The following DHRSX variants were observed in gnomAD, a reference collection of about 807,000 sequenced individuals.
DHRSX encodes the protein dehydrogenase/reductase X-linked.
DHRSX carries 31 observed loss-of-function variants against 34.0 expected under a neutral mutation model. The ratio of observed to expected loss-of-function variants is 0.91; its 90% CI spans 0.69 to 1.23. DHRSX has a LOEUF of 1.23. Ranked by LOEUF, DHRSX falls within the 50% of genes most tolerant of loss-of-function variation. DHRSX has a pLI of 0.00. For missense variants in DHRSX, 414 were observed against 428.1 expected (o/e 0.97, Z 0.29); for synonymous variants, 201 against 183.8 (o/e 1.09, Z -0.76).
At chrX:2,414,891 A>G (rs1247547481) in intron 2 of DHRSX, among the ~76,000 whole-genome samples, 2 of 151,416 alleles carry the variant, frequency 1.3e-5, no homozygotes, top group African/African-American at 4.9e-5. Flanking sequence ...TCTCATAATG[A>G]CCAATCCCAC....
intron 1 of DHRSX, chrX:2,490,503 C>T (rs1437534515): frequency 1.9e-6 from 3 of 1,613,910 alleles, no homozygotes; most frequent in East Asian, 2.2e-5. Context: ...CAGAATTCCT[C>T]GGGGTGGTTC....
intron 3 of DHRSX, among the ~76,000 whole-genome samples, chrX:2,336,634 T>C (rs2042568829): frequency 6.6e-6 from 1 of 150,882 alleles, no homozygotes; most frequent in African/African-American, 2.5e-5. Flanking sequence ...AGTTTTGCTG[T>C]TGTTGCCCAG....
intron 1 of DHRSX, among the ~76,000 whole-genome samples, chrX:2,471,419 T>G (rs1603137905): frequency 1.3e-5 from 2 of 151,914 alleles, no homozygotes; most frequent in African/African-American, 4.8e-5. Context: ...ATTCAAAAAT[T>G]AGCCGGGTGT....
Position 2,282,783 on chromosome X carries a change from G to GA in DHRSX, c.388+8718_388+8719insT, listed in dbSNP as rs1569483505. Among the ~76,000 whole-genome samples, 183 of 45,206 alleles carry GA rather than the reference G, an allele frequency of 4.0e-3. 20 individuals are homozygous for GA. The highest frequency in any genetic ancestry group is 7.9e-3 in the Non-Finnish European group (141 of 17,950). The allele number at this position is 45,206 out of a possible 152,430, so 29.7% of individuals were successfully genotyped here. A position where few individuals can be genotyped will look rare whatever the true frequency, so the allele number is the denominator to read the frequency against. ...AGGGGAGAAAGCGAGGGAGGGAGGGGGAGAGAGAGAAGAAAGAGAGAAGAG... is the reference window on the plus strand; with the variant it reads ...AGGGGAGAAAGCGAGGGAGGGAGGGGAGAGAGAGAGAAGAAAGAGAGAAGAG... On this transcript the variant is annotated intron_variant, in intron 4 of 6. Coordinates refer to ENST00000334651, the MANE Select transcript of DHRSX (RefSeq NM_145177.3).
chrX:2,256,243 T>C (rs984410086), intron 5 of DHRSX, among the ~76,000 whole-genome samples: 2 of 150,500 alleles, frequency 1.3e-5, no homozygotes, highest in Non-Finnish European at 3.0e-5. Flanking sequence ...TCCACCCCTC[T>C]CAGCCTCCCA....
At chrX:2,288,562 G>A (rs1042088382) in intron 4 of DHRSX, among the ~76,000 whole-genome samples, 4 of 152,192 alleles carry the variant, frequency 2.6e-5, no homozygotes, top group Non-Finnish European at 5.9e-5. Context: ...GAGGCCATGG[G>A]TGAAGAAACG....
chrX:2,318,525 C>T (rs2042268140), intron 3 of DHRSX, among the ~76,000 whole-genome samples: 1 of 152,102 alleles, frequency 6.6e-6, no homozygotes, highest in African/African-American at 2.4e-5. Context: ...CTCTGGTCTT[C>T]CTCACTGTTC....
At chrX:2,473,112 C>T (rs2044618947) in intron 1 of DHRSX, among the ~76,000 whole-genome samples, 1 of 150,902 alleles carries the variant, frequency 6.6e-6, no homozygotes, top group South Asian at 2.1e-4. Flanking sequence ...AGCATCCTCA[C>T]CAGCCTCAGG....
rs749597715 is a variant in DHRSX, at chrX:2,255,922, CAAATA to C, written c.596+10813_596+10817del. Among the ~76,000 whole-genome samples, 31 of 150,618 alleles carry C rather than the reference CAAATA, an allele frequency of 2.1e-4. No homozygotes were observed. The East Asian group carries it at 4.1e-3, about 20-fold the overall frequency. On this transcript the variant is annotated intron_variant, in intron 5 of 6. Transcript: ENST00000334651. ...GGGTGACAAAAGCGAAACTCTGTCT[CAAATA>C]AAATAAAATAAAACAAAACAAATTT... is the stretch of plus-strand genomic sequence containing the variant.
intron 3 of DHRSX, among the ~76,000 whole-genome samples, chrX:2,319,731 C>T (rs2042285246): frequency 6.6e-6 from 1 of 151,894 alleles, no homozygotes; most frequent in African/African-American, 2.4e-5. Context: ...GAGTACACTA[C>T]CAGTATTTAA....
intron 3 of DHRSX, among the ~76,000 whole-genome samples, chrX:2,371,214 C>A (rs1299285647): frequency 7.4e-6 from 1 of 135,918 alleles, no homozygotes; most frequent in Non-Finnish European, 1.7e-5. Flanking sequence ...AGTCCCTTCT[C>A]CCGTTACCGT....
At chrX:2,410,063 C>T (rs919258560) in intron 2 of DHRSX, among the ~76,000 whole-genome samples, 1 of 152,080 alleles carries the variant, frequency 6.6e-6, no homozygotes, top group Non-Finnish European at 1.5e-5. Flanking sequence ...AGTGAACATG[C>T]GTTGAACAGG....
intron 3 of DHRSX, among the ~76,000 whole-genome samples, chrX:2,371,404 A>ATTACCATAGACCGTCCTTCCG (rs752416128): frequency 0.036 from 5,102 of 142,684 alleles, 197 homozygotes; most frequent in East Asian, 0.13. Flanking sequence ...CCCTTCTCAC[A>ATTACCATAGACCGTCCTTCCG]TTACCATAGT....
chrX:2,481,250 C>A (rs1195321269), intron 1 of DHRSX, among the ~76,000 whole-genome samples: 2 of 152,002 alleles, frequency 1.3e-5, no homozygotes, highest in African/African-American at 4.8e-5. Flanking sequence ...AAAACAAGTC[C>A]CAGTTTCGAG....
At chrX:2,363,418 G>A (rs113969785) in intron 3 of DHRSX, among the ~76,000 whole-genome samples, 6,222 of 124,718 alleles carry the variant, frequency 0.05, 424 homozygotes, top group African/African-American at 0.084. Context: ...GTATCATGCC[G>A]CCATTTTATC....
rs778766800 is a variant in DHRSX, at chrX:2,408,856, T to C, written c.218-43A>G. On this transcript the variant is annotated intron_variant, in intron 2 of 6. Coordinates refer to ENST00000334651, the MANE Select transcript of DHRSX (RefSeq NM_145177.3). ...AAAAAGATACGGTGACTTGTAGGAT[T>C]ATCCAGAAACTATTAACTGCAAAAA... The C allele has an allele frequency of 2.0e-6, 3 of 1,520,374 alleles. No individual in the cohort carries two copies. The Admixed American group carries it at 6.0e-5, about 30-fold the overall frequency. The allele number at this position is 1,520,374 out of a possible 1,614,324, so 94.2% of individuals were successfully genotyped here.
At chrX:2,248,634 AAAAGAAAAGAAAAAG>A (rs1275095977) in intron 5 of DHRSX, among the ~76,000 whole-genome samples, 14 of 119,970 alleles carry the variant, frequency 1.2e-4, no homozygotes, top group African/African-American at 3.4e-4. Context: ...AAAGAAAAAG[AAAAGAAAAGAAAAAG>A]AAAGAAAAGA....
intron 3 of DHRSX, among the ~76,000 whole-genome samples, chrX:2,343,762 T>C (rs1186922496): frequency 6.6e-6 from 1 of 152,234 alleles, no homozygotes; most frequent in African/African-American, 2.4e-5. Context: ...GTTAAGCTTT[T>C]TCCTACCCCT....
intron 1 of DHRSX, among the ~76,000 whole-genome samples, chrX:2,444,583 C>A (rs1194254442): frequency 6.6e-6 from 1 of 152,172 alleles, no homozygotes; most frequent in African/African-American, 2.4e-5. Context: ...GTAATCCCAG[C>A]ACTCTGGGAG....
Sources: gnomAD v4.1 joint callset for allele counts (sites outside exome capture counted in the v4.1 genomes callset) on GRCh38, gnomAD v4.1.1 for gene constraint, MANE v1.5 for transcripts, NCBI Gene and HGNC (gene_info 2026-07-23, HGNC 2026-07-21) for gene names.